Variants in SLC22A11 observed in about 807,000 individuals in gnomAD.
SLC22A11 encodes organic anion transporter 4.
SLC22A11 carries 42 observed loss-of-function variants against 49.4 expected under a neutral mutation model. That is an observed-to-expected ratio of 0.85 (90% CI 0.66 to 1.10). The LOEUF is 1.10. Among genes scored for constraint, SLC22A11 ranks in the 50% least tolerant of loss-of-function variants. The pLI, the probability that SLC22A11 is intolerant of heterozygous loss-of-function variation, is 0.00. For synonymous variants in SLC22A11, 304 were observed against 315.8 expected (o/e 0.96, Z 0.40); for missense variants, 685 against 731.6 (o/e 0.94, Z 0.74).
chr11:64,561,951 C>A (rs928162172), intron 2 of SLC22A11, 53 bp from the exon 3 acceptor site: 3 of 1,559,878 alleles, frequency 1.9e-6, no homozygotes, highest in African/African-American at 2.7e-5. Context: ...GCCCACATAT[C>A]CACGTCCTCA....
chr11:64,568,111 G>T lies in SLC22A11; in HGVS notation c.1273+298G>T, dbSNP rs1421381098. ...CTGAGCGGGGACGGAGGCGGCCGGGGCCCTGCAGGCTGCAGCGAGAGCCCA... is the reference window on the plus strand; with the variant it reads ...CTGAGCGGGGACGGAGGCGGCCGGGTCCCTGCAGGCTGCAGCGAGAGCCCA... On this transcript the variant is annotated intron_variant, in intron 7 of 9. Coordinates refer to ENST00000301891, the MANE Select transcript of SLC22A11 (RefSeq NM_018484.4). 2.0e-5 allele frequency among the ~76,000 whole-genome samples: 3 copies of T among 152,252 alleles called. No homozygotes were observed. The East Asian group carries it at 5.8e-4, about 29-fold the overall frequency.
In SLC22A11 at chr11:64,561,182, G is replaced by A. The variant is rs1312433700; in HGVS notation, c.498-822G>A. On this transcript the variant is annotated intron_variant, in intron 2 of 9. Coordinates refer to ENST00000301891, the MANE Select transcript of SLC22A11 (RefSeq NM_018484.4). ...AGCCCAGGGCACTCGGGCAGGGGCC[G>A]AGGGCTCTGCATCCGCCCCATGAGC... Among the ~76,000 whole-genome samples, 5 of 152,336 alleles carry A rather than the reference G, an allele frequency of 3.3e-5. No individual in the cohort carries two copies. The East Asian group carries it at 5.8e-4, about 18-fold the overall frequency.
At position 64,562,265 on chromosome 11, in the gene SLC22A11, A is replaced by G; in HGVS notation, c.653-2A>G. 1 of 1,601,260 alleles carries G rather than the reference A, an allele frequency of 6.2e-7. No homozygotes were observed. Among genetic ancestry groups the G allele is most frequent in the Non-Finnish European group, 8.5e-7 (1 of 1,171,610 alleles). ...TCACCTGCACGTGTCTGCATCCTTC[A>G]GTGGTGGAGTGGACCACGACCAGCA... On this transcript the variant is annotated splice_acceptor_variant, in intron 3 of 9. Transcript: ENST00000301891. LOFTEE classifies it high-confidence loss of function. This position sits in a 1 kb window ranked among gnomAD's most constrained non-coding sequence, Gnocchi z 4.4.
Position 64,556,364 on chromosome 11 carries a change from G to A in SLC22A11, c.365G>A (p.Ser122Asn). ...GTGGACGGCTGGGTCTATGACCGCA[G>A]CGTCTTCACCTCCACCATCGTGGCC... ...PCVDGWVYDR[S>N]VFTSTIVAKW... Residue 122 changes from serine (S) to asparagine (N), a missense_variant, in exon 1 of 10, where the codon AGC becomes AAC. Physicochemically the swap from Ser to Asn is conservative, Grantham distance 46 (BLOSUM62 1). Coordinates refer to ENST00000301891, the MANE Select transcript of SLC22A11 (RefSeq NM_018484.4). The A allele has an allele frequency of 6.2e-7, 1 of 1,612,112 alleles. No homozygotes were observed. The highest frequency in any genetic ancestry group is 1.1e-5 in the South Asian group (1 of 91,080).
chr11:64,562,110 G>T lies in SLC22A11; in HGVS notation c.604G>T (p.Val202Leu). Residue 202 changes from valine to leucine, a missense_variant, in exon 3 of 10, where the codon GTG becomes TTG. Coordinates refer to ENST00000301891, the MANE Select transcript of SLC22A11 (RefSeq NM_018484.4). The surrounding 1 kb of genome is among the most constrained non-coding windows in gnomAD (Gnocchi z 4.4). ...TFVIYCGLRF[V>L]AAFGMAGIFL... ...CGTCATCTACTGCGGCCTGCGGTTCGTGGCCGCTTTTGGGATGGCCGGCAT... is the reference window on the plus strand; with the variant it reads ...CGTCATCTACTGCGGCCTGCGGTTCTTGGCCGCTTTTGGGATGGCCGGCAT... 1 of 1,613,918 alleles carries T rather than the reference G, an allele frequency of 6.2e-7. No homozygotes were observed. The highest frequency in any genetic ancestry group is 8.5e-7 in the Non-Finnish European group (1 of 1,180,022).
chr11:64,556,786 C>G (rs1428787289), intron 1 of SLC22A11, among the ~76,000 whole-genome samples: 1 of 151,882 alleles, frequency 6.6e-6, no homozygotes, highest in Non-Finnish European at 1.5e-5. Context: ...CACACGTCAC[C>G]CTAGAGATGG....
At chr11:64,556,478 C>G in intron 1 of SLC22A11, 86 bp downstream of exon 1, 1 of 1,536,622 alleles carries the variant, frequency 6.5e-7, no homozygotes, top group Non-Finnish European at 8.7e-7. Flanking sequence ...AAGGTCCAGT[C>G]CTGGGAGGGA....
Position 64,556,301 on chromosome 11 carries a change from C to T in SLC22A11, c.302C>T (p.Thr101Met), listed in dbSNP as rs376493091. The T allele has an allele frequency of 6.2e-6, 10 of 1,613,580 alleles. No individual in the cohort carries two copies. In the East Asian group the frequency reaches 6.7e-5, roughly 11 times the overall value. The change falls in exon 1 of 10, where the codon ACG (threonine) becomes ATG (methionine). Residue 101 changes from threonine (T) to methionine (M), a missense_variant. Physicochemically the swap from Thr to Met is moderately conservative, Grantham distance 81. Coordinates refer to ENST00000301891, the MANE Select transcript of SLC22A11 (RefSeq NM_018484.4). The stretch of plus-strand genomic sequence containing the variant: ...TGGCAGCTCTTGGACCCCAATGCCA[C>T]GGCCACCAGCTGGAGCGAAGCTGAC... ...PQWQLLDPNA[T>M]ATSWSEADTE... is the part of the protein sequence containing the mutation.
In SLC22A11 at chr11:64,572,542, T is replaced by G. The variant is rs1403400511; in HGVS notation, c.*1500T>G. The G allele has an allele frequency of 6.6e-6, 1 of 152,298 alleles. No homozygotes were observed. Among genetic ancestry groups the G allele is most frequent in the Non-Finnish European group, 1.5e-5 (1 of 68,146 alleles). The allele number at this position is 152,298 out of a possible 1,614,324, so 9.4% of individuals were successfully genotyped here. On this transcript the variant is annotated 3_prime_UTR_variant, in exon 10 of 10. Transcript: ENST00000301891. ...ACCCTGTGTACACTGGGTCAATCAC[T>G]CCTGCCTCCTCACAGCTCCCAAATC...
rs1160663931 is a variant in SLC22A11, at chr11:64,556,033, G to A, written c.34G>A (p.Gly12Ser). Residue 12 changes from glycine to serine, a missense_variant, in exon 1 of 10, where the codon GGC becomes AGC. Coordinates refer to ENST00000301891, the MANE Select transcript of SLC22A11 (RefSeq NM_018484.4). Reference protein sequence around the residue: ...AFSKLLEQAGGVGLFQTLQVL... With the variant: ...AFSKLLEQAGSVGLFQTLQVL... Reference sequence around the variant, plus strand: ...CTCGAAGCTCTTGGAGCAAGCCGGAGGCGTGGGCCTCTTCCAGACCCTGCA... The same window carrying A: ...CTCGAAGCTCTTGGAGCAAGCCGGAAGCGTGGGCCTCTTCCAGACCCTGCA... 1 of 1,612,858 alleles carries A rather than the reference G, an allele frequency of 6.2e-7. No individual in the cohort carries two copies. Among genetic ancestry groups the A allele is most frequent in the Non-Finnish European group, 8.5e-7 (1 of 1,179,978 alleles).
chr11:64,558,894 G>A (rs562159765), intron 1 of SLC22A11, among the ~76,000 whole-genome samples: 4 of 152,166 alleles, frequency 2.6e-5, no homozygotes, highest in Non-Finnish European at 5.9e-5. Context: ...GCATGAGGGG[G>A]GCCACTGGAC....
chr11:64,569,452 G>A lies in SLC22A11; in HGVS notation c.1383-200G>A, dbSNP rs376063302. Among the ~76,000 whole-genome samples the A allele has an allele frequency of 4.6e-5, 7 of 152,146 alleles. No individual in the cohort carries two copies. The East Asian group carries it at 1.3e-3, about 29-fold the overall frequency. ...GTTGCCCAAGAGTGGGGAAAATGAGGTGGGCCCTAGAGATTTCCCCTGAAA... is the reference window on the plus strand; with the variant it reads ...GTTGCCCAAGAGTGGGGAAAATGAGATGGGCCCTAGAGATTTCCCCTGAAA... On this transcript the variant is annotated intron_variant, in intron 8 of 9. Coordinates refer to ENST00000301891, the MANE Select transcript of SLC22A11 (RefSeq NM_018484.4).
chr11:64,561,779 C>G, intron 2 of SLC22A11, among the ~76,000 whole-genome samples: 1 of 151,978 alleles, frequency 6.6e-6, no homozygotes, highest in East Asian at 1.9e-4. Flanking sequence ...GCCCCAAACC[C>G]CATGTTCTTA....
At position 64,565,276 on chromosome 11, in the gene SLC22A11, G is replaced by A. The variant is rs2038607661; in HGVS notation, c.997G>A (p.Val333Met). Residue 333 changes from valine (V) to methionine (M), a missense_variant, in exon 6 of 10, where the codon GTG becomes ATG. Physicochemically the swap from Val to Met is conservative, Grantham distance 21 (BLOSUM62 1). Transcript: ENST00000301891. The surrounding 1 kb of genome is among the most constrained non-coding windows in gnomAD (Gnocchi z 4.1). ...EVASAKEPRS[V>M]LDLFCVPVLR... is the part of the protein sequence containing the mutation. ...GGCCTCTGCAAAGGAGCCGCGGTCG[G>A]TGCTGGACCTGTTCTGCGTGCCCGT... 6.4e-7 allele frequency: 1 copy of A among 1,551,356 alleles called. No individual in the cohort carries two copies. The highest frequency in any genetic ancestry group is 2.0e-5 in the Admixed American group (1 of 51,240).
intron 1 of SLC22A11, among the ~76,000 whole-genome samples, chr11:64,558,307 G>T (rs1231913842): frequency 1.3e-5 from 2 of 152,188 alleles, no homozygotes; most frequent in Non-Finnish European, 2.9e-5. Flanking sequence ...AAGTGATTTG[G>T]TCTGACTTGC....
chr11:64,563,214 C>T (rs933707363), intron 4 of SLC22A11, among the ~76,000 whole-genome samples: 2 of 152,130 alleles, frequency 1.3e-5, no homozygotes, highest in African/African-American at 4.8e-5. Context: ...AGGCCATCCC[C>T]GCCACGCTGA....
intron 9 of SLC22A11, 67 bp from the exon 10 acceptor site, chr11:64,570,912 T>G: frequency 6.5e-7 from 1 of 1,540,368 alleles, no homozygotes. Flanking sequence ...TGACCGCCAT[T>G]TTGCCCCAAG....
In SLC22A11 at chr11:64,562,353, G is replaced by A. The variant is rs138025232; in HGVS notation, c.739G>A (p.Gly247Ser). Residue 247 changes from glycine to serine, a missense_variant, in exon 4 of 10, where the codon GGC becomes AGC. Transcript: ENST00000301891. This position sits in a 1 kb window ranked among gnomAD's most constrained non-coding sequence, Gnocchi z 4.4. Reference protein sequence around the residue: ...AFSAGQAALGGLAFALRDWRT... With the variant: ...AFSAGQAALGSLAFALRDWRT... Reference sequence around the variant, plus strand: ...CAGCGCAGGCCAGGCGGCGCTGGGCGGCCTGGCCTTTGCCCTGCGGGACTG... The same window carrying A: ...CAGCGCAGGCCAGGCGGCGCTGGGCAGCCTGGCCTTTGCCCTGCGGGACTG... 3.7e-5 allele frequency: 59 copies of A among 1,610,964 alleles called. No homozygotes were observed. The highest frequency in any genetic ancestry group is 3.6e-4 in the African/African-American group (27 of 74,880).
rs1430484908 is a variant in SLC22A11 at position 64,562,604 on chromosome 11, G to C, written c.821+169G>C. 6.6e-6 allele frequency among the ~76,000 whole-genome samples: 1 copy of C among 152,138 alleles called. No individual in the cohort carries two copies. The highest frequency in any genetic ancestry group is 2.4e-5 in the African/African-American group (1 of 41,432). Reference sequence around the variant, plus strand: ...GGACATTGGTGATTGGCAGTCCTGGGCTAAGTGTTGCAGCCCGAGGTCCGT... The same window carrying C: ...GGACATTGGTGATTGGCAGTCCTGGCCTAAGTGTTGCAGCCCGAGGTCCGT... On this transcript the variant is annotated intron_variant, in intron 4 of 9. Coordinates refer to ENST00000301891, the MANE Select transcript of SLC22A11 (RefSeq NM_018484.4). The surrounding 1 kb of genome is among the most constrained non-coding windows in gnomAD (Gnocchi z 4.4).
Sources: gnomAD v4.1 joint callset for allele counts (sites outside exome capture counted in the v4.1 genomes callset) on GRCh38, gnomAD v4.1.1 for gene constraint, Gnocchi (gnomAD v3.1) non-coding constraint, MANE v1.5 for transcripts, NCBI Gene and HGNC (gene_info 2026-07-23, HGNC 2026-07-21) for gene names.